DCAF7: variants seen among roughly 807,000 people sequenced by gnomAD.
DCAF7 encodes the protein DDB1 and CUL4 associated factor 7, also known as DDB1- and CUL4-associated factor 7.
Under a neutral mutation model 41.2 loss-of-function variants are expected in DCAF7, and 4 were observed. That is an observed-to-expected ratio of 0.10 (90% CI 0.05 to 0.22). The LOEUF is 0.22. DCAF7 is among the 10% of genes least tolerant of loss of function. The probability of loss-of-function intolerance (pLI) is 1.00; values close to 1 mark genes in which losing one functional copy is unlikely to be tolerated. For missense variants in DCAF7, 131 were observed against 443.2 expected (o/e 0.30, Z 6.32); for synonymous variants, 143 against 164.2 (o/e 0.87, Z 0.99).
Position 63,584,706 on chromosome 17 carries a change from G to C in DCAF7, c.739-505G>C, listed in dbSNP as rs1000645707. ...GAACCTGGGAAGCGGAGCTTGCAGTGAGCGGAGATCATGCCACTGCACTCC... is the reference window on the plus strand; with the variant it reads ...GAACCTGGGAAGCGGAGCTTGCAGTCAGCGGAGATCATGCCACTGCACTCC... On this transcript the variant is annotated intron_variant, in intron 5 of 6. Transcript: ENST00000614556. Among the ~76,000 whole-genome samples the C allele has an allele frequency of 2.0e-5, 3 of 152,224 alleles. No homozygotes were observed. The South Asian group carries it at 6.2e-4, about 32-fold the overall frequency.
chr17:63,552,747 G>A (rs1598023606), intron 1 of DCAF7, among the ~76,000 whole-genome samples: 1 of 152,220 alleles, frequency 6.6e-6, no homozygotes, highest in African/African-American at 2.4e-5. Context: ...CAGTTAGGCT[G>A]CTTGGTAGGA....
At chr17:63,553,584 C>T (rs904394208) in intron 1 of DCAF7, among the ~76,000 whole-genome samples, 3 of 152,130 alleles carry the variant, frequency 2.0e-5, no homozygotes, top group East Asian at 1.9e-4. Context: ...AATTTTTAGA[C>T]CATTGGTTCC....
At chr17:63,557,059 G>A (rs2033319286) in intron 1 of DCAF7, among the ~76,000 whole-genome samples, 1 of 152,048 alleles carries the variant, frequency 6.6e-6, no homozygotes, top group Non-Finnish European at 1.5e-5. Flanking sequence ...AATGGAATCA[G>A]CACAATAGCT....
chr17:63,585,178 T>C (rs1198202504), intron 5 of DCAF7, 33 bp from the exon 6 acceptor site: 1 of 1,563,390 alleles, frequency 6.4e-7, no homozygotes, highest in South Asian at 1.1e-5. Context: ...GAAACTCTGA[T>C]GATCCCAGGC....
chr17:63,575,465 C>T (rs919943961), intron 1 of DCAF7, among the ~76,000 whole-genome samples: 3 of 151,864 alleles, frequency 2.0e-5, no homozygotes, highest in South Asian at 2.1e-4. Context: ...CCTGAGAGGG[C>T]GAGACAGGCA....
intron 1 of DCAF7, among the ~76,000 whole-genome samples, chr17:63,569,274 GATT>G: frequency 6.6e-6 from 1 of 152,018 alleles, no homozygotes; most frequent in East Asian, 1.9e-4. Context: ...GGCCTAGGTA[GATT>G]ATTCTCCCAA....
At chr17:63,580,842 A>G (rs898345409) in intron 4 of DCAF7, among the ~76,000 whole-genome samples, 9 of 152,110 alleles carry the variant, frequency 5.9e-5, no homozygotes, top group African/African-American at 1.9e-4. Flanking sequence ...TAATCAAAGC[A>G]TTCTTCTCAG....
At chr17:63,587,726 G>T (rs1468907791) in intron 6 of DCAF7, among the ~76,000 whole-genome samples, 1 of 152,144 alleles carries the variant, frequency 6.6e-6, no homozygotes, top group African/African-American at 2.4e-5. Context: ...TCTGAGACCA[G>T]CTTTCATCAG....
chr17:63,582,346 C>G (rs994368686), intron 4 of DCAF7, among the ~76,000 whole-genome samples: 1 of 152,170 alleles, frequency 6.6e-6, no homozygotes, highest in African/African-American at 2.4e-5. Flanking sequence ...GTGAGAAATT[C>G]TAGTCGTGTC....
chr17:63,567,187 C>T (rs2033452590), intron 1 of DCAF7, among the ~76,000 whole-genome samples: 1 of 152,232 alleles, frequency 6.6e-6, no homozygotes, highest in Middle Eastern at 3.4e-3. Flanking sequence ...CAAATAGCAT[C>T]AGTAAGGATT....
Position 63,560,144 on chromosome 17 carries a change from G to GA in DCAF7, c.138+9341dup, listed in dbSNP as rs113591548. On this transcript the variant is annotated intron_variant, in intron 1 of 6. Coordinates refer to ENST00000614556, the MANE Select transcript of DCAF7 (RefSeq NM_005828.5). ...ACGTATGAAGAACTGAACCTCATAA[G>GA]AAAAAAAAAAAATGGAGTTTCAGCT... Among the ~76,000 whole-genome samples, 301 of 134,626 alleles carry GA rather than the reference G, an allele frequency of 2.2e-3. 2 individuals are homozygous for GA. The highest frequency in any genetic ancestry group is 6.0e-3 in the African/African-American group (222 of 36,724). The allele number at this position is 134,626 out of a possible 152,430, so 88.3% of individuals were successfully genotyped here.
chr17:63,563,064 A>G (rs1045196675), intron 1 of DCAF7, among the ~76,000 whole-genome samples: 3 of 152,074 alleles, frequency 2.0e-5, no homozygotes, highest in Admixed American at 6.6e-5. Flanking sequence ...GGCTCAAGCA[A>G]TCCTCCCACC....
At chr17:63,583,975 C>T (rs577136739) in intron 5 of DCAF7, among the ~76,000 whole-genome samples, 1 of 152,166 alleles carries the variant, frequency 6.6e-6, no homozygotes, top group South Asian at 2.1e-4. Context: ...GACAGCAGTC[C>T]CGGGACTGAG....
intron 6 of DCAF7, among the ~76,000 whole-genome samples, chr17:63,587,275 C>T (rs1426923817): frequency 1.3e-5 from 2 of 151,888 alleles, no homozygotes; most frequent in Non-Finnish European, 2.9e-5. Context: ...TGGGGGCCTG[C>T]TGCTGCCTTC....
chr17:63,564,770 C>T (rs2033422887), intron 1 of DCAF7, among the ~76,000 whole-genome samples: 1 of 152,222 alleles, frequency 6.6e-6, no homozygotes, highest in South Asian at 2.1e-4. Flanking sequence ...GGGCTTCAGC[C>T]AATCACTTCA....
chr17:63,577,295 G>A (rs896723652), intron 1 of DCAF7, among the ~76,000 whole-genome samples: 1 of 152,212 alleles, frequency 6.6e-6, no homozygotes, highest in Non-Finnish European at 1.5e-5. Context: ...GGGGGAAAAT[G>A]TCTGGAAGAT....
At chr17:63,584,989 C>T (rs2033662471) in intron 5 of DCAF7, among the ~76,000 whole-genome samples, 1 of 152,134 alleles carries the variant, frequency 6.6e-6, no homozygotes. Context: ...TTCTGCATCT[C>T]CCCTATCAGT....
At chr17:63,564,385 C>T (rs1213480130) in intron 1 of DCAF7, among the ~76,000 whole-genome samples, 2 of 152,116 alleles carry the variant, frequency 1.3e-5, no homozygotes, top group Non-Finnish European at 2.9e-5. Context: ...TAGCACTCAC[C>T]TCTTTTTCCA....
chr17:63,589,616 C>A lies in DCAF7; in HGVS notation c.*444C>A, dbSNP rs1248861003. On this transcript the variant is annotated 3_prime_UTR_variant, in exon 7 of 7. Coordinates refer to ENST00000614556, the MANE Select transcript of DCAF7 (RefSeq NM_005828.5). Reference sequence around the variant, plus strand: ...GAACAAATACCAATTTGTCTTTTCTCCTAGTATCAGTGTGTTTAACAAATT... The same window carrying A: ...GAACAAATACCAATTTGTCTTTTCTACTAGTATCAGTGTGTTTAACAAATT... 1 of 207,676 alleles carries A rather than the reference C, an allele frequency of 4.8e-6. No individual in the cohort carries two copies. The highest frequency in any genetic ancestry group is 2.3e-5 in the African/African-American group (1 of 42,964). The allele number at this position is 207,676 out of a possible 1,614,324, so 12.9% of individuals were successfully genotyped here.
Sources: allele counts gnomAD v4.1 joint callset (sites outside exome capture counted in the v4.1 genomes callset), GRCh38; gene constraint gnomAD v4.1.1; transcripts MANE v1.5; gene names NCBI Gene and HGNC (gene_info 2026-07-23, HGNC 2026-07-21).